PLEKHA6: variants seen among roughly 807,000 people sequenced by gnomAD.
PLEKHA6 encodes the protein pleckstrin homology domain containing A6.
In PLEKHA6, 60 loss-of-function variants were observed where a neutral mutation model predicts 116.7. The ratio of observed to expected loss-of-function variants is 0.51; its 90% confidence interval spans 0.42 to 0.64. The LOEUF (loss-of-function observed/expected upper bound fraction) is 0.64. Ranked by LOEUF, PLEKHA6 falls within the 30% of genes least tolerant of loss-of-function variation. PLEKHA6 has a pLI of 0.00. For synonymous variants in PLEKHA6, 489 were observed against 556.1 expected (o/e 0.88, Z 1.70); for missense variants, 1,338 against 1,422.7 (o/e 0.94, Z 0.96).
chr1:204,320,587 C>G (rs968928853), intron 1 of PLEKHA6: 1 of 605,792 alleles, frequency 1.7e-6, no homozygotes, highest in African/African-American at 2.0e-5. Flanking sequence ...GGGAAACTTT[C>G]GGTCAGCCCT....
rs145075240 is a variant in PLEKHA6, at chr1:204,331,825, C to T, written c.-95+27869G>A. ...GTCAACGGTCAGCCGGCTGTCCCCC[C>T]CGGGTCCCAAAGCCCCATGCCCCTA... On this transcript the variant is annotated intron_variant, in intron 1 of 22. Coordinates refer to ENST00000272203, the MANE Select transcript of PLEKHA6 (RefSeq NM_014935.5). Among the ~76,000 whole-genome samples, 225 of 152,158 alleles carry T rather than the reference C, an allele frequency of 1.5e-3. 1 individual carries two copies. The highest frequency in any genetic ancestry group is 5.2e-3 in the African/African-American group (216 of 41,504).
chr1:204,362,224 G>T (rs1673576070), upstream of PLEKHA6, among the ~76,000 whole-genome samples: 1 of 152,202 alleles, frequency 6.6e-6, no homozygotes, highest in Admixed American at 6.5e-5. Flanking sequence ...AATTCCCTTT[G>T]CCAAATCTAA....
At chr1:204,272,559 T>C (rs2102891546) in intron 3 of PLEKHA6, among the ~76,000 whole-genome samples, 1 of 152,324 alleles carries the variant, frequency 6.6e-6, no homozygotes, top group Middle Eastern at 3.4e-3. Flanking sequence ...ATGATGATCA[T>C]CATTTCATGT....
chr1:204,332,190 C>T (rs2103274128), intron 1 of PLEKHA6, among the ~76,000 whole-genome samples: 1 of 152,302 alleles, frequency 6.6e-6, no homozygotes, highest in South Asian at 2.1e-4. Context: ...ACCCAGAATT[C>T]AGCCAATGTG....
chr1:204,296,715 C>T (rs1670316784), intron 1 of PLEKHA6, among the ~76,000 whole-genome samples: 1 of 152,226 alleles, frequency 6.6e-6, no homozygotes, highest in Non-Finnish European at 1.5e-5. Flanking sequence ...CCCTCTGCTT[C>T]ACTCAGAGAC....
intron 6 of PLEKHA6, among the ~76,000 whole-genome samples, chr1:204,262,410 G>A (rs1235729678): frequency 6.6e-6 from 1 of 152,146 alleles, no homozygotes; most frequent in Non-Finnish European, 1.5e-5. Flanking sequence ...AAAGTTCTTA[G>A]GCCACAAGGA....
At chr1:204,240,890 G>A (rs759574948) in intron 17 of PLEKHA6, among the ~76,000 whole-genome samples, 1 of 152,120 alleles carries the variant, frequency 6.6e-6, no homozygotes, top group East Asian at 1.9e-4. Flanking sequence ...AATCTAATCA[G>A]CTGCCAGTGA....
intron 1 of PLEKHA6, chr1:204,313,489 A>G (rs1671740506): frequency 2.3e-6 from 2 of 856,234 alleles, no homozygotes; most frequent in East Asian, 1.2e-4. Flanking sequence ...TCTCAAGAGC[A>G]CAAACCACAG....
At chr1:204,245,501 C>T in intron 14 of PLEKHA6, 114 bp downstream of exon 14, 1 of 674,194 alleles carries the variant, frequency 1.5e-6, no homozygotes, top group South Asian at 1.8e-5. Context: ...CCCAAGAAGG[C>T]CCTGCCTGGC....
intron 12 of PLEKHA6, 32 bp from the exon 13 acceptor site, chr1:204,247,492 C>T: frequency 7.1e-7 from 1 of 1,411,634 alleles, no homozygotes; most frequent in Non-Finnish European, 1.0e-6. Flanking sequence ...ACTGAGAAAG[C>T]CGCCATCACC....
At chr1:204,305,605 G>A (rs1294774106) in intron 1 of PLEKHA6, among the ~76,000 whole-genome samples, 2 of 152,082 alleles carry the variant, frequency 1.3e-5, no homozygotes, top group African/African-American at 4.8e-5. Context: ...GGGTATGAAA[G>A]CACACTTGGT....
chr1:204,340,630 T>C (rs970888563), intron 1 of PLEKHA6, among the ~76,000 whole-genome samples: 1 of 152,152 alleles, frequency 6.6e-6, no homozygotes, highest in African/African-American at 2.4e-5. Flanking sequence ...CCCAGGGCCA[T>C]GTCAGAGAGG....
chr1:204,248,088 TTC>T (rs1350256451), intron 12 of PLEKHA6, among the ~76,000 whole-genome samples: 3 of 151,924 alleles, frequency 2.0e-5, no homozygotes, highest in Non-Finnish European at 4.4e-5. Context: ...CTTGGAGCCA[TTC>T]TCCAAGCAGT....
chr1:204,286,761 G>A (rs1387001388), intron 1 of PLEKHA6, among the ~76,000 whole-genome samples: 1 of 151,980 alleles, frequency 6.6e-6, no homozygotes, highest in Non-Finnish European at 1.5e-5. Flanking sequence ...GTGTAGGGAT[G>A]GAGGTTGGCT....
chr1:204,302,213 GAGA>G (rs1371222283), intron 1 of PLEKHA6, among the ~76,000 whole-genome samples: 6 of 152,226 alleles, frequency 3.9e-5, no homozygotes, highest in Admixed American at 6.5e-5. Flanking sequence ...GAGGCCCAGA[GAGA>G]AGGATTGAGT....
chr1:204,342,078 G>A (rs969594986), intron 1 of PLEKHA6, among the ~76,000 whole-genome samples: 1 of 152,150 alleles, frequency 6.6e-6, no homozygotes, highest in South Asian at 2.1e-4. Context: ...CCAGCTACTC[G>A]GGAGGCTGAG....
rs1172734391 is a variant in PLEKHA6, at chr1:204,240,106, G to A, written c.2409+1269C>T. ...AGTGTTGGCTAGGGTGATTGACCTG[G>A]ACTATCAAGATGAAATCAGTCTACC... On this transcript the variant is annotated intron_variant, in intron 17 of 22. Transcript: ENST00000272203. Among the ~76,000 whole-genome samples the A allele has an allele frequency of 4.6e-5, 7 of 152,316 alleles. No homozygotes were observed. In the East Asian group the frequency reaches 1.3e-3, roughly 29 times the overall value.
chr1:204,260,587 C>T (rs1399000150), intron 7 of PLEKHA6, among the ~76,000 whole-genome samples: 2 of 152,136 alleles, frequency 1.3e-5, no homozygotes, highest in African/African-American at 2.4e-5. Flanking sequence ...CTACAGCTTC[C>T]CAAACTCCAC....
intron 1 of PLEKHA6, among the ~76,000 whole-genome samples, chr1:204,358,516 C>A (rs546199478): frequency 6.6e-6 from 1 of 152,204 alleles, no homozygotes; most frequent in Non-Finnish European, 1.5e-5. Context: ...GCCCGCAGTG[C>A]CCCCGCACCT....
Sources: gnomAD v4.1 joint callset for allele counts (sites outside exome capture counted in the v4.1 genomes callset) on GRCh38, gnomAD v4.1.1 for gene constraint, MANE v1.5 for transcripts, NCBI Gene and HGNC (gene_info 2026-07-23, HGNC 2026-07-21) for gene names.